BRINP1: variants seen among roughly 807,000 people sequenced by gnomAD.
The protein encoded by BRINP1 is BMP/retinoic acid inducible neural specific 1, also known as BMP/retinoic acid-inducible neural-specific protein 1.
In BRINP1, 17 loss-of-function variants were observed where a neutral mutation model predicts 72.9. That is an observed-to-expected ratio of 0.23 (90% CI 0.16 to 0.35). The LOEUF (loss-of-function observed/expected upper bound fraction) is 0.35. Among genes scored for constraint, BRINP1 ranks in the 10% least tolerant of loss-of-function variants. BRINP1 has a pLI of 1.00. For synonymous variants in BRINP1, 418 were observed against 378.5 expected (o/e 1.10, Z -1.21); for missense variants, 850 against 1,001.6 (o/e 0.85, Z 2.04).
intron 1 of BRINP1, among the ~76,000 whole-genome samples, chr9:119,363,829 T>C (rs1831660590): frequency 1.3e-5 from 2 of 152,214 alleles, no homozygotes; most frequent in African/African-American, 4.8e-5. Flanking sequence ...TCAGCAACAC[T>C]GGCCACATTT....
chr9:119,197,871 G>A (rs1829756679), intron 7 of BRINP1, among the ~76,000 whole-genome samples: 1 of 152,160 alleles, frequency 6.6e-6, no homozygotes, highest in Non-Finnish European at 1.5e-5. Flanking sequence ...AATGAAATGT[G>A]AATTGCTTTT....
At chr9:119,289,296 G>T (rs1031396662) in intron 2 of BRINP1, among the ~76,000 whole-genome samples, 11 of 152,206 alleles carry the variant, frequency 7.2e-5, no homozygotes, top group Non-Finnish European at 1.5e-4. Context: ...CTCAGAAAAT[G>T]ACTGGAATAC....
At chr9:119,177,029 T>C (rs1390873247) in intron 7 of BRINP1, among the ~76,000 whole-genome samples, 5 of 152,132 alleles carry the variant, frequency 3.3e-5, no homozygotes, top group African/African-American at 9.7e-5. Context: ...CCCTCCAGGC[T>C]CTTAGGCTTG....
intron 2 of BRINP1, among the ~76,000 whole-genome samples, chr9:119,285,102 C>T (rs1830746031): frequency 1.3e-5 from 2 of 151,774 alleles, no homozygotes; most frequent in African/African-American, 2.4e-5. Context: ...AGAAATGCAT[C>T]GCACGGTTCC....
At chr9:119,270,810 A>G (rs1273040159) in intron 2 of BRINP1, among the ~76,000 whole-genome samples, 2 of 152,192 alleles carry the variant, frequency 1.3e-5, no homozygotes, top group Non-Finnish European at 2.9e-5. Flanking sequence ...TGACATTCCC[A>G]TTCACTTTCC....
chr9:119,269,503 T>C (rs76488493), intron 2 of BRINP1, among the ~76,000 whole-genome samples: 6,759 of 152,286 alleles, frequency 0.044, 512 homozygotes, highest in African/African-American at 0.15. Context: ...CCATGGTTTC[T>C]TTTCTTTTTG....
intron 7 of BRINP1, among the ~76,000 whole-genome samples, chr9:119,187,813 A>T (rs530243520): frequency 1.1e-3 from 167 of 152,360 alleles, no homozygotes; most frequent in Middle Eastern, 6.8e-3. Flanking sequence ...AGATAATTCA[A>T]TAAAATTAAT....
intron 5 of BRINP1, among the ~76,000 whole-genome samples, chr9:119,215,857 A>G (rs968747305): frequency 6.6e-6 from 1 of 151,758 alleles, no homozygotes; most frequent in South Asian, 2.1e-4. Context: ...GCATGGCTGC[A>G]CTGCACGGTG....
intron 5 of BRINP1, among the ~76,000 whole-genome samples, chr9:119,237,914 C>T (rs1385593250): frequency 6.6e-6 from 1 of 152,184 alleles, no homozygotes; most frequent in Non-Finnish European, 1.5e-5. Context: ...CCCACCTCAG[C>T]CTCCCAAAGT....
At chr9:119,295,267 C>G (rs1830863580) in intron 2 of BRINP1, among the ~76,000 whole-genome samples, 4 of 151,882 alleles carry the variant, frequency 2.6e-5, no homozygotes, top group Admixed American at 2.0e-4. Flanking sequence ...TGGTCTCAAA[C>G]TGCTGGCCTC....
intron 2 of BRINP1, 60 bp from the exon 3 acceptor site, chr9:119,249,210 C>G: frequency 1.3e-6 from 2 of 1,506,616 alleles, no homozygotes; most frequent in Non-Finnish European, 1.8e-6. Context: ...AAGCCAAAGT[C>G]CACCCAACCA....
rs372742034 is a variant in BRINP1, at chr9:119,167,786, G to A, written c.1584C>T (p.Leu528=). Residue 528 remains leucine, a synonymous_variant, in exon 8 of 8, where the codon CTC becomes CTT. Transcript: ENST00000265922. The surrounding 1 kb of genome is among the most constrained non-coding windows in gnomAD (Gnocchi z 4.3). ...AGTCCATGCGGTTCTTGTTGCTCTT[G>A]AGAGTGAGGGACATGCGCTTGCGCC... ...PRWRKRMSLT[L]KSNKNRMDFI... 1.9e-6 allele frequency: 3 copies of A among 1,614,012 alleles called. No individual in the cohort carries two copies. Among genetic ancestry groups the A allele is most frequent in the African/African-American group, 2.7e-5 (2 of 74,918 alleles).
At chr9:119,168,317 A>AAAAAGATG (rs1829346194) in intron 7 of BRINP1, 93 bp from the exon 8 acceptor site, 3 of 1,019,388 alleles carry the variant, frequency 2.9e-6, no homozygotes, top group Non-Finnish European at 2.7e-6. Flanking sequence ...TGGAGCTGCC[A>AAAAAGATG]AAAAGATGAA....
chr9:119,246,724 C>G (rs539233617), intron 3 of BRINP1, among the ~76,000 whole-genome samples: 1 of 152,324 alleles, frequency 6.6e-6, no homozygotes, highest in African/African-American at 2.4e-5. Flanking sequence ...TCCCTTCTCT[C>G]ATACTGCAGA....
intron 2 of BRINP1, among the ~76,000 whole-genome samples, chr9:119,297,102 T>C (rs1456759221): frequency 1.3e-5 from 2 of 152,214 alleles, no homozygotes; most frequent in Non-Finnish European, 2.9e-5. Context: ...AATTTCACAA[T>C]GTATACATAT....
rs371596039 is a variant in BRINP1 at position 119,167,396 on chromosome 9, A to G, written c.1974T>C (p.Phe658=). 1.7e-5 allele frequency: 27 copies of G among 1,614,066 alleles called. No individual in the cohort carries two copies. In the African/African-American group the frequency reaches 3.1e-4, roughly 18 times the overall value. The change falls in exon 8 of 8, where the codon TTT becomes TTC. Residue 658 remains phenylalanine, a synonymous_variant. Coordinates refer to ENST00000265922, the MANE Select transcript of BRINP1 (RefSeq NM_014618.3). The surrounding 1 kb of genome is among the most constrained non-coding windows in gnomAD (Gnocchi z 4.3). ...CGGCGTTGAACCTCAGGCTATACCC[A>G]AACACCTGCACGTCTGAGATCTTGA... ...FYIKISDVQV[F]GYSLRFNADL... is the part of the protein sequence containing the mutation.
chr9:119,175,737 G>A (rs773008914), intron 7 of BRINP1, among the ~76,000 whole-genome samples: 4 of 152,116 alleles, frequency 2.6e-5, no homozygotes, highest in Non-Finnish European at 5.9e-5. Context: ...AAATATGCAA[G>A]GCAGTCAGCT....
rs191708447 is a variant in BRINP1, at chr9:119,351,982, G to C, written c.-51+17074C>G. ...CACCATGCCCAGCTAATTTTTAGTAGAGGTGGGGTTTCACCATGTTGGCCA... is the reference window on the plus strand; with the variant it reads ...CACCATGCCCAGCTAATTTTTAGTACAGGTGGGGTTTCACCATGTTGGCCA... On this transcript the variant is annotated intron_variant, in intron 1 of 7. Coordinates refer to ENST00000265922, the MANE Select transcript of BRINP1 (RefSeq NM_014618.3). Among the ~76,000 whole-genome samples, 553 of 151,844 alleles carry C rather than the reference G, an allele frequency of 3.6e-3. 2 individuals are homozygous for C. The highest frequency in any genetic ancestry group is 0.013 in the African/African-American group (533 of 41,424).
chr9:119,356,783 C>A (rs761681781), intron 1 of BRINP1, among the ~76,000 whole-genome samples: 3 of 142,864 alleles, frequency 2.1e-5, no homozygotes, highest in Non-Finnish European at 3.0e-5. Context: ...CCAGCCTGGG[C>A]AACAGAGTGA....
Sources: allele counts gnomAD v4.1 joint callset (sites outside exome capture counted in the v4.1 genomes callset), GRCh38; gene constraint gnomAD v4.1.1; non-coding constraint Gnocchi (gnomAD v3.1); transcripts MANE v1.5; gene names NCBI Gene and HGNC (gene_info 2026-07-23, HGNC 2026-07-21).